Variants in GRK7 observed in about 807,000 individuals in gnomAD.
GRK7 encodes rhodopsin kinase GRK7.
Under a neutral mutation model 34.1 loss-of-function variants are expected in GRK7, and 24 were observed. The ratio of observed to expected loss-of-function variants is 0.70; its 90% CI spans 0.51 to 0.99. GRK7 has a LOEUF of 0.99. Among genes scored for constraint, GRK7 ranks in the 50% least tolerant of loss-of-function variants. The probability of loss-of-function intolerance (pLI) is 0.00; values close to 1 mark genes in which losing one functional copy is unlikely to be tolerated. For synonymous variants in GRK7, 256 were observed against 279.4 expected (o/e 0.92, Z 0.84); for missense variants, 644 against 707.3 (o/e 0.91, Z 1.02).
At position 141,765,641 on chromosome 3, in the gene GRK7, G is replaced by A. The variant is rs1021348648; in HGVS notation, c.-312G>A. Among the ~76,000 whole-genome samples, 1 of 152,066 alleles carries A rather than the reference G, an allele frequency of 6.6e-6. No individual in the cohort carries two copies. The highest frequency in any genetic ancestry group is 1.5e-5 in the Non-Finnish European group (1 of 68,012). ...CATCATGCTTTGAGGAAGCCCAGGA[G>A]GAAACACTGCAGAGAGGCTCAACCA... is the stretch of plus-strand genomic sequence containing the variant. On this transcript the variant is annotated 5_prime_UTR_variant, in exon 1 of 6. Coordinates refer to ENST00000682958, the MANE Select transcript of GRK7 (RefSeq NM_139209.3).
In GRK7 at chr3:141,817,343, G is replaced by A. The variant is rs932431543; in HGVS notation, c.*293G>A. On this transcript the variant is annotated 3_prime_UTR_variant, in exon 6 of 6. Transcript: ENST00000682958. Reference sequence around the variant, plus strand: ...TTACCATCATGTCCCTGTGTATTACGCAAAGTCCTAGGAACAGAGAATGGA... The same window carrying A: ...TTACCATCATGTCCCTGTGTATTACACAAAGTCCTAGGAACAGAGAATGGA... 3.1e-5 allele frequency: 9 copies of A among 292,230 alleles called. No individual in the cohort carries two copies. Among genetic ancestry groups the A allele is most frequent in the Non-Finnish European group, 5.7e-5 (9 of 157,686 alleles). The allele number at this position is 292,230 out of a possible 1,614,324, so 18.1% of individuals were successfully genotyped here.
chr3:141,759,089 T>G (rs2107867038), upstream of GRK7, among the ~76,000 whole-genome samples: 1 of 143,026 alleles, frequency 7.0e-6, no homozygotes, highest in South Asian at 2.4e-4. Context: ...TAAACAATCA[T>G]GTCGTCTGCA....
chr3:141,814,204 T>C (rs936209583), intron 5 of GRK7, among the ~76,000 whole-genome samples: 19 of 139,622 alleles, frequency 1.4e-4, no homozygotes, highest in Non-Finnish European at 2.3e-4. Context: ...ACTGACTTCT[T>C]TTAAAAGGAA....
intron 4 of GRK7, among the ~76,000 whole-genome samples, chr3:141,798,909 A>C (rs769959363): frequency 1.3e-5 from 2 of 152,334 alleles, no homozygotes; most frequent in Non-Finnish European, 2.9e-5. Context: ...TTTAGTCCTG[A>C]AAATTATTTG....
chr3:141,812,603 G>T (rs867126765), intron 5 of GRK7, among the ~76,000 whole-genome samples: 11 of 152,312 alleles, frequency 7.2e-5, no homozygotes, highest in South Asian at 2.1e-4. Context: ...TAGTTGGGTT[G>T]TTGAAGAACA....
the GRK7 span, among the ~76,000 whole-genome samples, chr3:141,752,302 G>A: frequency 6.6e-6 from 1 of 152,106 alleles, no homozygotes; most frequent in Non-Finnish European, 1.5e-5. Context: ...TCTCAACCAG[G>A]GGTGATTTTA....
chr3:141,808,161 A>T lies in GRK7; in HGVS notation c.1325+242A>T, dbSNP rs150028271. Among the ~76,000 whole-genome samples, 1,274 of 152,340 alleles carry T rather than the reference A, an allele frequency of 8.4e-3. 15 individuals are homozygous for T. The highest frequency in any genetic ancestry group is 0.028 in the African/African-American group (1,182 of 41,566). Reference sequence around the variant, plus strand: ...GGTGCAAAGCAGCTTGCGTTAAAAAAAGAAAAAAGAATACATAATTCAAAT... The same window carrying T: ...GGTGCAAAGCAGCTTGCGTTAAAAATAGAAAAAAGAATACATAATTCAAAT... On this transcript the variant is annotated intron_variant, in intron 5 of 5. Coordinates refer to ENST00000682958, the MANE Select transcript of GRK7 (RefSeq NM_139209.3).
chr3:141,798,037 AGGGCCAGCCT>A (rs1710913665), intron 4 of GRK7, among the ~76,000 whole-genome samples: 1 of 152,130 alleles, frequency 6.6e-6, no homozygotes, highest in African/African-American at 2.4e-5. Flanking sequence ...GACTCTGTCC[AGGGCCAGCCT>A]GGGCCCTGCC....
In GRK7 at chr3:141,818,749, G is replaced by C. The variant is rs956596782; in HGVS notation, c.*1699G>C. ...GGTAAAAAAAACCTGGCTGAAGTCA[G>C]TTTAAAAGTTTTGTCCCTTGAGTTA... On this transcript the variant is annotated 3_prime_UTR_variant, in exon 6 of 6. Coordinates refer to ENST00000682958, the MANE Select transcript of GRK7 (RefSeq NM_139209.3). Among the ~76,000 whole-genome samples, 5 of 152,292 alleles carry C rather than the reference G, an allele frequency of 3.3e-5. No homozygotes were observed. In the South Asian group the frequency reaches 1.0e-3, roughly 32 times the overall value.
intron 5 of GRK7, among the ~76,000 whole-genome samples, chr3:141,811,627 C>G (rs960617117): frequency 6.6e-6 from 1 of 152,046 alleles, no homozygotes; most frequent in African/African-American, 2.4e-5. Context: ...CTTACGGCCT[C>G]TATAATTGCA....
rs1450434156 is a variant in GRK7, at chr3:141,817,569, T to A, written c.*519T>A. On this transcript the variant is annotated 3_prime_UTR_variant, in exon 6 of 6. Coordinates refer to ENST00000682958, the MANE Select transcript of GRK7 (RefSeq NM_139209.3). ...TACAATATTTTGGCAATGTTTTAAA[T>A]CACAGAATAATTTTCAATTTCAGTG... The A allele has an allele frequency of 6.6e-6, 1 of 152,316 alleles. No individual in the cohort carries two copies. Among genetic ancestry groups the A allele is most frequent in the East Asian group, 1.9e-4 (1 of 5,206 alleles). The allele number at this position is 152,316 out of a possible 1,614,324, so 9.4% of individuals were successfully genotyped here.
intron 4 of GRK7, among the ~76,000 whole-genome samples, chr3:141,783,105 G>A (rs2084679697): frequency 6.6e-6 from 1 of 152,170 alleles, no homozygotes; most frequent in African/African-American, 2.4e-5. Context: ...GTAGGAGAAA[G>A]GAGGAAGGGT....
chr3:141,752,270 T>C, the GRK7 span, among the ~76,000 whole-genome samples: 2 of 152,224 alleles, frequency 1.3e-5, no homozygotes, highest in African/African-American at 4.8e-5. Context: ...TTTTGTGTCT[T>C]TAATAGATGT....
At chr3:141,771,152 T>A (rs1270309626) in intron 1 of GRK7, among the ~76,000 whole-genome samples, 1 of 152,170 alleles carries the variant, frequency 6.6e-6, no homozygotes, top group Non-Finnish European at 1.5e-5. Context: ...AGCAAAGATA[T>A]GGAATCAACC....
chr3:141,789,246 T>TA (rs1239228619), intron 4 of GRK7, among the ~76,000 whole-genome samples: 1 of 152,172 alleles, frequency 6.6e-6, no homozygotes, highest in Non-Finnish European at 1.5e-5. Flanking sequence ...ACGGTTTACA[T>TA]AACTAGGAAG....
At chr3:141,790,550 A>T (rs910979796) in intron 4 of GRK7, among the ~76,000 whole-genome samples, 11 of 146,030 alleles carry the variant, frequency 7.5e-5, no homozygotes, top group Admixed American at 5.7e-4. Flanking sequence ...TGTTCCAGCC[A>T]CTGTCTACAT....
chr3:141,807,023 A>G (rs969898583), intron 4 of GRK7, among the ~76,000 whole-genome samples: 3 of 152,130 alleles, frequency 2.0e-5, no homozygotes, highest in African/African-American at 7.2e-5. Flanking sequence ...AAGTGTGCCT[A>G]TAATACATAG....
intron 5 of GRK7, among the ~76,000 whole-genome samples, chr3:141,810,067 A>G (rs1711076797): frequency 6.6e-6 from 1 of 152,226 alleles, no homozygotes; most frequent in Non-Finnish European, 1.5e-5. Flanking sequence ...ATTACCATCC[A>G]TAATGTGGAT....
chr3:141,756,112 G>C, the GRK7 span, among the ~76,000 whole-genome samples: 1 of 151,804 alleles, frequency 6.6e-6, no homozygotes, highest in Non-Finnish European at 1.5e-5. Context: ...AGGGGTTCAA[G>C]ACCAGCCCAG....
Sources: gnomAD v4.1 joint callset for allele counts (sites outside exome capture counted in the v4.1 genomes callset) on GRCh38, gnomAD v4.1.1 for gene constraint, MANE v1.5 for transcripts, NCBI Gene and HGNC (gene_info 2026-07-23, HGNC 2026-07-21) for gene names.